The following TGFBR3L variants were observed in gnomAD, a reference collection of about 807,000 sequenced individuals.
TGFBR3L encodes the protein transforming growth factor-beta receptor type 3-like protein.
In TGFBR3L, 21 loss-of-function variants were observed where a neutral mutation model predicts 20.4. The ratio of observed to expected loss-of-function variants is 1.03; its 90% CI spans 0.73 to 1.48. The LOEUF (loss-of-function observed/expected upper bound fraction) is 1.48. Ranked by LOEUF, TGFBR3L falls within the 40% of genes most tolerant of loss-of-function variation. The probability of loss-of-function intolerance (pLI) is 0.00; values close to 1 mark genes in which losing one functional copy is unlikely to be tolerated. For missense variants in TGFBR3L, 479 were observed against 498.0 expected (o/e 0.96, Z 0.36); for synonymous variants, 245 against 244.2 (o/e 1.00, Z -0.03).
rs1164306751 is a variant in TGFBR3L, at chr19:7,916,242, G to T, written c.-26G>T. ...GTCGCCAGGGGGCACATCACCGTCA[G>T]GGGGGAAAGTGGCGCGGAGCCCATC... is the stretch of plus-strand genomic sequence containing the variant. On this transcript the variant is annotated 5_prime_UTR_variant, in exon 1 of 6. Transcript: ENST00000565886. 9.8e-6 allele frequency: 15 copies of T among 1,527,258 alleles called. No individual in the cohort carries two copies. The highest frequency in any genetic ancestry group is 1.2e-5 in the Non-Finnish European group (14 of 1,141,720). The allele number at this position is 1,527,258 out of a possible 1,614,324, so 94.6% of individuals were successfully genotyped here.
In TGFBR3L at chr19:7,916,081, C is replaced by G; in HGVS notation, c.-187C>G. 8.1e-7 allele frequency: 1 copy of G among 1,232,340 alleles called. No homozygotes were observed. Among genetic ancestry groups the G allele is most frequent in the South Asian group, 1.6e-5 (1 of 61,504 alleles). 76.3% of individuals were successfully genotyped at this position (1,232,340 alleles called of 1,614,324 possible). A position where few individuals can be genotyped will look rare whatever the true frequency, so the allele number is the denominator to read the frequency against. Reference sequence around the variant, plus strand: ...GAAGGTGGGGGAGCTCTGACTTCACCCAGCCGGACCCCACCATCGGGTGCT... The same window carrying G: ...GAAGGTGGGGGAGCTCTGACTTCACGCAGCCGGACCCCACCATCGGGTGCT... On this transcript the variant is annotated 5_prime_UTR_variant, in exon 1 of 6. Coordinates refer to ENST00000565886, the MANE Select transcript of TGFBR3L (RefSeq NM_001195259.2).
chr19:7,917,257 T>C (rs938711741), intron 2 of TGFBR3L, among the ~76,000 whole-genome samples: 1 of 151,848 alleles, frequency 6.6e-6, no homozygotes, highest in African/African-American at 2.4e-5. Flanking sequence ...TGCGATCTTG[T>C]GGGGCTGGGA....
rs1983233860 is a variant in TGFBR3L, at chr19:7,915,352, GTC to G, written c.-912_-911del. Among the ~76,000 whole-genome samples the G allele has an allele frequency of 6.6e-6, 1 of 152,144 alleles. No individual in the cohort carries two copies. Among genetic ancestry groups the G allele is most frequent in the African/African-American group, 2.4e-5 (1 of 41,412 alleles). On this transcript the variant is annotated 5_prime_UTR_variant, in exon 1 of 6. Coordinates refer to ENST00000565886, the MANE Select transcript of TGFBR3L (RefSeq NM_001195259.2). ...GGACAGGGCAGGGGAGTGGGGTGGG[GTC>G]TCTGTCCCCCATCCCAAGGGTGGCT... is the stretch of plus-strand genomic sequence containing the variant.
intron 5 of TGFBR3L, 90 bp downstream of exon 6, chr19:7,918,219 T>TTTTGTTTTTTTG (rs1983407301): frequency 8.0e-7 from 1 of 1,246,786 alleles, no homozygotes; most frequent in African/African-American, 1.5e-5. Context: ...ACTGTGGTTT[T>TTTTGTTTTTTTG]TTTGTTTGTT....
In TGFBR3L at chr19:7,916,061, T is replaced by C; in HGVS notation, c.-207T>C. On this transcript the variant is annotated 5_prime_UTR_variant, in exon 1 of 6. Transcript: ENST00000565886. ...TCCCCAAGAGCAGCCCTGGGGAAGG[T>C]GGGGGAGCTCTGACTTCACCCAGCC... 1 of 954,884 alleles carries C rather than the reference T, an allele frequency of 1.0e-6. No individual in the cohort carries two copies. The highest frequency in any genetic ancestry group is 1.5e-6 in the Non-Finnish European group (1 of 666,932). The allele number at this position is 954,884 out of a possible 1,614,324, so 59.2% of individuals were successfully genotyped here.
rs1983348825 is a variant in TGFBR3L at position 7,917,129 on chromosome 19, A to G, written c.597+187A>G. The G allele has an allele frequency of 9.0e-6, 9 of 1,004,822 alleles. No homozygotes were observed. In the East Asian group the frequency reaches 3.0e-4, roughly 34 times the overall value. The allele number at this position is 1,004,822 out of a possible 1,614,324, so 62.2% of individuals were successfully genotyped here. ...GACAGTGTGGACACTGGGTTCCCCC[A>G]TGGACAGCTCTGGAATCCTTCAGGG... On this transcript the variant is annotated intron_variant, in intron 2 of 5. Transcript: ENST00000565886.
chr19:7,916,219 C>G lies in TGFBR3L; in HGVS notation c.-49C>G, dbSNP rs1343269025. Reference sequence around the variant, plus strand: ...GCTGGGCTGTGCGAGTCCCAGGGGTCGCCAGGGGGCACATCACCGTCAGGG... The same window carrying G: ...GCTGGGCTGTGCGAGTCCCAGGGGTGGCCAGGGGGCACATCACCGTCAGGG... On this transcript the variant is annotated 5_prime_UTR_variant, in exon 1 of 6. Coordinates refer to ENST00000565886, the MANE Select transcript of TGFBR3L (RefSeq NM_001195259.2). 1 of 1,509,770 alleles carries G rather than the reference C, an allele frequency of 6.6e-7. No individual in the cohort carries two copies. Among genetic ancestry groups the G allele is most frequent in the African/African-American group, 1.4e-5 (1 of 72,452 alleles). 93.5% of individuals were successfully genotyped at this position (1,509,770 alleles called of 1,614,324 possible).
Position 7,916,725 on chromosome 19 carries a change from G to C in TGFBR3L, c.380G>C (p.Arg127Pro). The stretch of plus-strand genomic sequence containing the variant: ...CCGGGGCCCGCCCTGGCTCTGCTGC[G>C]TGAGGGCTGCCCCGCCGACACCTCT... The change falls in exon 2 of 6, where the codon CGT becomes CCT. Residue 127 changes from arginine to proline, a missense_variant. Transcript: ENST00000565886. 6.7e-7 allele frequency: 1 copy of C among 1,485,154 alleles called. No individual in the cohort carries two copies. The highest frequency in any genetic ancestry group is 8.9e-7 in the Non-Finnish European group (1 of 1,124,548). 92.0% of individuals were successfully genotyped at this position (1,485,154 alleles called of 1,614,324 possible). A position where few individuals can be genotyped will look rare whatever the true frequency, so the allele number is the denominator to read the frequency against.
chr19:7,915,343 T>G lies in TGFBR3L; in HGVS notation c.-925T>G. Among the ~76,000 whole-genome samples, 2 of 149,282 alleles carry G rather than the reference T, an allele frequency of 1.3e-5. No individual in the cohort carries two copies. Among genetic ancestry groups the G allele is most frequent in the Admixed American group, 6.7e-5 (1 of 14,950 alleles). On this transcript the variant is annotated 5_prime_UTR_variant, in exon 1 of 6. Coordinates refer to ENST00000565886, the MANE Select transcript of TGFBR3L (RefSeq NM_001195259.2). ...TGGGGGTGGGGACAGGGCAGGGGAGTGGGGTGGGGTCTCTGTCCCCCATCC... is the reference window on the plus strand; with the variant it reads ...TGGGGGTGGGGACAGGGCAGGGGAGGGGGGTGGGGTCTCTGTCCCCCATCC...
At position 7,916,668 on chromosome 19, in the gene TGFBR3L, G is replaced by A. The variant is rs1983316051; in HGVS notation, c.323G>A (p.Arg108His). 3 of 1,425,936 alleles carry A rather than the reference G, an allele frequency of 2.1e-6. No individual in the cohort carries two copies. Among genetic ancestry groups the A allele is most frequent in the Admixed American group, 3.2e-5 (1 of 31,436 alleles). 88.3% of individuals were successfully genotyped at this position (1,425,936 alleles called of 1,614,324 possible). Residue 108 changes from arginine (R) to histidine (H), a missense_variant, in exon 2 of 6, where the codon CGC becomes CAC. By Grantham distance (29) the Arg-to-His change is conservative. Transcript: ENST00000565886. ...CCGCGCTGGGGCCTGGCCCTGCACC[G>A]CTGCTCAGTGACGCCGTCCTCACGC...
intron 5 of TGFBR3L, 85 bp downstream of exon 6, chr19:7,918,214 GGTTTTTTT>G (rs1324111350): frequency 7.9e-6 from 11 of 1,390,626 alleles, no homozygotes; most frequent in South Asian, 2.6e-5. Flanking sequence ...CAGGCACTGT[GGTTTTTTT>G]GTTTGTTTGT....
In TGFBR3L at chr19:7,915,654, C is replaced by G. The variant is rs1983248746; in HGVS notation, c.-614C>G. ...TCGAGAGGCTGAAGCAGGAGGATGGCTGGAGCCCAGGAGGTGGAGGCTGCA... is the reference window on the plus strand; with the variant it reads ...TCGAGAGGCTGAAGCAGGAGGATGGGTGGAGCCCAGGAGGTGGAGGCTGCA... On this transcript the variant is annotated 5_prime_UTR_variant, in exon 1 of 6. Transcript: ENST00000565886. 6.6e-6 allele frequency among the ~76,000 whole-genome samples: 1 copy of G among 152,198 alleles called. No homozygotes were observed. Among genetic ancestry groups the G allele is most frequent in the Non-Finnish European group, 1.5e-5 (1 of 68,024 alleles).
rs532844274 is a variant in TGFBR3L at position 7,916,913 on chromosome 19, ACGCCGCCGC to A, written c.582_590del (p.Pro195_Pro197del). The A allele has an allele frequency of 8.7e-5, 114 of 1,306,172 alleles. No homozygotes were observed. The highest frequency in any genetic ancestry group is 1.6e-4 in the East Asian group (5 of 31,488). 80.9% of individuals were successfully genotyped at this position (1,306,172 alleles called of 1,614,324 possible). A position where few individuals can be genotyped will look rare whatever the true frequency, so the allele number is the denominator to read the frequency against. The stretch of plus-strand genomic sequence containing the variant: ...AGTCCGCCGGGCGCCTGCGCCTCTG[ACGCCGCCGC>A]CGCCGCCGCCGCCATCGCGGGTGCG... On this transcript the variant is annotated inframe_deletion, in exon 2 of 6. Transcript: ENST00000565886.
chr19:7,918,106 G>T lies in TGFBR3L; in HGVS notation c.933G>T (p.Gln311His), dbSNP rs1319856936. 3.9e-6 allele frequency: 6 copies of T among 1,535,742 alleles called. No homozygotes were observed. Among genetic ancestry groups the T allele is most frequent in the Non-Finnish European group, 4.4e-6 (5 of 1,146,766 alleles). ...CGAGAGCCTCGCCCAGCGGTCCCCA[G>T]CCCAGGAGGTCCCAGTGAGGAAGGT... The change falls in exon 5 of 6, where the codon CAG (glutamine) becomes CAT (histidine). Residue 311 changes from glutamine to histidine, a missense_variant. Coordinates refer to ENST00000565886, the MANE Select transcript of TGFBR3L (RefSeq NM_001195259.2).
chr19:7,917,180 T>A, intron 2 of TGFBR3L: 2 of 773,154 alleles, frequency 2.6e-6, no homozygotes, highest in Non-Finnish European at 3.8e-6. Flanking sequence ...AGAAGGCCAC[T>A]AAGGGGACAC....
At position 7,916,429 on chromosome 19, in the gene TGFBR3L, C is replaced by G; in HGVS notation, c.162C>G (p.Pro54=). Reference sequence around the variant, plus strand: ...CAGCTCCCCCGTTCCCCGCGGCGCCCGGCCCCTGGCTGCGCAGACCCCTCT... The same window carrying G: ...CAGCTCCCCCGTTCCCCGCGGCGCCGGGCCCCTGGCTGCGCAGACCCCTCT... The change falls in exon 1 of 6, where the codon CCC becomes CCG. Residue 54 remains proline (P), a synonymous_variant. Transcript: ENST00000565886. The G allele has an allele frequency of 2.0e-6, 3 of 1,534,630 alleles. No homozygotes were observed. Among genetic ancestry groups the G allele is most frequent in the East Asian group, 4.9e-5 (2 of 40,868 alleles).
At position 7,917,730 on chromosome 19, in the gene TGFBR3L, G is replaced by A; in HGVS notation, c.754G>A (p.Val252Met). Reference sequence around the variant, plus strand: ...GCCCAAGAGTGTCCCCGGCCGTGCAGTGCGCCCTGAGCCTCCCGCGCCGGC... The same window carrying A: ...GCCCAAGAGTGTCCCCGGCCGTGCAATGCGCCCTGAGCCTCCCGCGCCGGC... The change falls in exon 4 of 6, where the codon GTG becomes ATG. Residue 252 changes from valine to methionine, a missense_variant. Val to Met is a conservative substitution (Grantham distance 21). Coordinates refer to ENST00000565886, the MANE Select transcript of TGFBR3L (RefSeq NM_001195259.2). 2 of 1,427,496 alleles carry A rather than the reference G, an allele frequency of 1.4e-6. No homozygotes were observed. The highest frequency in any genetic ancestry group is 3.0e-5 in the Admixed American group (1 of 33,050). 88.4% of individuals were successfully genotyped at this position (1,427,496 alleles called of 1,614,324 possible).
Sources: gnomAD v4.1 joint callset for allele counts (sites outside exome capture counted in the v4.1 genomes callset) on GRCh38, gnomAD v4.1.1 for gene constraint, MANE v1.5 for transcripts, NCBI Gene and HGNC (gene_info 2026-07-23, HGNC 2026-07-21) for gene names.